The following FHIP1A variants were observed in gnomAD, a reference collection of about 807,000 sequenced individuals.
The protein encoded by FHIP1A is FHF complex subunit HOOK-interacting protein 1A.
FHIP1A carries 61 observed loss-of-function variants against 88.6 expected under a neutral mutation model. The observed-to-expected ratio is 0.69, with a 90% confidence interval of 0.56 to 0.85. FHIP1A has a LOEUF of 0.85. FHIP1A is among the 40% of genes least tolerant of loss of function. FHIP1A has a pLI of 0.00. For missense variants in FHIP1A, 1,154 were observed against 1,273.5 expected, an observed-to-expected ratio of 0.91 and a Z score of 1.43; for synonymous variants, 478 against 496.0, an observed-to-expected ratio of 0.96 and a Z score of 0.48.
At chr4:151,518,880 A>G (rs1191123426) in intron 3 of FHIP1A, among the ~76,000 whole-genome samples, 1 of 151,830 alleles carries the variant, frequency 6.6e-6, no homozygotes, top group Non-Finnish European at 1.5e-5. Flanking sequence ...CAAAACATCG[A>G]TATGTTGTCC....
At chr4:151,426,239 A>G (rs980652792) in intron 1 of FHIP1A, among the ~76,000 whole-genome samples, 2 of 152,176 alleles carry the variant, frequency 1.3e-5, no homozygotes, top group African/African-American at 4.8e-5. Flanking sequence ...GAAAATTTCC[A>G]TAATAAAAAA....
chr4:151,668,495 G>A lies in FHIP1A; in HGVS notation c.*5741G>A, dbSNP rs1737745405. Among the ~76,000 whole-genome samples, 1 of 152,132 alleles carries A rather than the reference G, an allele frequency of 6.6e-6. No individual in the cohort carries two copies. Among genetic ancestry groups the A allele is most frequent in the Admixed American group, 6.5e-5 (1 of 15,272 alleles). On this transcript the variant is annotated 3_prime_UTR_variant, in exon 14 of 14. Coordinates refer to ENST00000435205, the MANE Select transcript of FHIP1A (RefSeq NM_001109977.3). ...AGCTCAGCTAAAATATCCTTACTTTGGTGCAATAATGATCTAGGTTCTTTT... is the reference window on the plus strand; with the variant it reads ...AGCTCAGCTAAAATATCCTTACTTTAGTGCAATAATGATCTAGGTTCTTTT...
At chr4:151,597,845 T>G (rs1446707066) in intron 7 of FHIP1A, among the ~76,000 whole-genome samples, 1 of 152,162 alleles carries the variant, frequency 6.6e-6, no homozygotes, top group Non-Finnish European at 1.5e-5. Context: ...GAAAACTGCC[T>G]ACTCAAGCCT....
intron 3 of FHIP1A, among the ~76,000 whole-genome samples, chr4:151,528,516 A>G (rs1731763092): frequency 6.6e-6 from 1 of 152,202 alleles, no homozygotes; most frequent in Non-Finnish European, 1.5e-5. Flanking sequence ...AGGGACCCCA[A>G]AGGTGCTCCA....
At chr4:151,536,447 C>T (rs1732072356) in intron 3 of FHIP1A, among the ~76,000 whole-genome samples, 1 of 152,188 alleles carries the variant, frequency 6.6e-6, no homozygotes, top group Non-Finnish European at 1.5e-5. Context: ...CCACTTCCCT[C>T]CTGCCCTCCC....
chr4:151,438,436 T>C (rs1369935441), intron 1 of FHIP1A, among the ~76,000 whole-genome samples: 1 of 152,036 alleles, frequency 6.6e-6, no homozygotes, highest in Non-Finnish European at 1.5e-5. Flanking sequence ...GAAAAAGGAT[T>C]TAATTCTTTT....
Position 151,577,751 on chromosome 4 carries a change from A to G in FHIP1A, c.407A>G (p.His136Arg), listed in dbSNP as rs1265165556. The change falls in exon 5 of 14, where the codon CAC becomes CGC. Residue 136 changes from histidine (H) to arginine (R), a missense_variant. Coordinates refer to ENST00000435205, the MANE Select transcript of FHIP1A (RefSeq NM_001109977.3). ...VTQSHQPLLH[H>R]KPILKPLMML... ...CAGTCGCACCAGCCTCTGCTGCACCACAAACCCATTCTGAAGCCTCTGATG... is the reference window on the plus strand; with the variant it reads ...CAGTCGCACCAGCCTCTGCTGCACCGCAAACCCATTCTGAAGCCTCTGATG... 1 of 1,551,916 alleles carries G rather than the reference A, an allele frequency of 6.4e-7. No individual in the cohort carries two copies. Among genetic ancestry groups the G allele is most frequent in the Admixed American group, 2.0e-5 (1 of 51,000 alleles).
chr4:151,436,414 T>G (rs930567564), intron 1 of FHIP1A: 1 of 152,184 alleles, frequency 6.6e-6, no homozygotes, highest in African/African-American at 2.4e-5. Flanking sequence ...CAGATCGTGT[T>G]TCTGTCTGCA....
chr4:151,546,389 A>G (rs1264491179), intron 3 of FHIP1A, among the ~76,000 whole-genome samples: 3 of 152,216 alleles, frequency 2.0e-5, no homozygotes, highest in South Asian at 2.1e-4. Context: ...TCCAGCTTGC[A>G]GATGGACTCC....
At chr4:151,452,379 C>T (rs780179270) in intron 1 of FHIP1A, among the ~76,000 whole-genome samples, 29 of 152,248 alleles carry the variant, frequency 1.9e-4, no homozygotes, top group Non-Finnish European at 3.4e-4. Context: ...CACTTTACCT[C>T]CAGAGTTTAA....
Position 151,474,093 on chromosome 4 carries a change from TGAG to T in FHIP1A, c.-247-8427_-247-8425del, listed in dbSNP as rs539891155. ...CCATTTACCTTTGAATAGAAGCCAA[TGAG>T]GAGAAGTATTTAGAAGGTTATGAGC... On this transcript the variant is annotated intron_variant, in intron 2 of 13. Transcript: ENST00000435205. Among the ~76,000 whole-genome samples the T allele has an allele frequency of 3.0e-4, 46 of 152,310 alleles. No individual in the cohort carries two copies. The East Asian group carries it at 7.9e-3, about 26-fold the overall frequency.
In FHIP1A at chr4:151,558,220, C is replaced by G. The variant is rs569005603; in HGVS notation, c.-122-7918C>G. On this transcript the variant is annotated intron_variant, in intron 3 of 13. Transcript: ENST00000435205. ...GGTTTTGTACGAGTAGAAAAACAATCTCATAAGAAAAGCCAATTTTAGAGT... is the reference window on the plus strand; with the variant it reads ...GGTTTTGTACGAGTAGAAAAACAATGTCATAAGAAAAGCCAATTTTAGAGT... Among the ~76,000 whole-genome samples, 6 of 152,232 alleles carry G rather than the reference C, an allele frequency of 3.9e-5. No homozygotes were observed. The East Asian group carries it at 1.2e-3, about 29-fold the overall frequency.
At chr4:151,563,398 A>G (rs889907888) in intron 3 of FHIP1A, among the ~76,000 whole-genome samples, 1 of 152,198 alleles carries the variant, frequency 6.6e-6, no homozygotes, top group Admixed American at 6.5e-5. Flanking sequence ...GCTCTCTCTC[A>G]GGCATGAAAT....
intron 11 of FHIP1A, among the ~76,000 whole-genome samples, chr4:151,651,350 A>G (rs1196548320): frequency 6.6e-6 from 1 of 152,242 alleles, no homozygotes; most frequent in Non-Finnish European, 1.5e-5. Flanking sequence ...CAAAATCTGC[A>G]TTTACAAATC....
At chr4:151,544,525 T>A (rs1236065421) in intron 3 of FHIP1A, among the ~76,000 whole-genome samples, 2 of 152,192 alleles carry the variant, frequency 1.3e-5, no homozygotes, top group South Asian at 4.1e-4. Context: ...CAGGTGCCAC[T>A]GTTTAAGATC....
intron 5 of FHIP1A, among the ~76,000 whole-genome samples, chr4:151,578,539 G>A (rs1322471619): frequency 1.3e-5 from 2 of 152,130 alleles, no homozygotes; most frequent in African/African-American, 2.4e-5. Context: ...TAGGAACATG[G>A]GGGGGTGGAG....
Position 151,548,897 on chromosome 4 carries a change from A to G in FHIP1A, c.-122-17241A>G, listed in dbSNP as rs567735930. On this transcript the variant is annotated intron_variant, in intron 3 of 13. Coordinates refer to ENST00000435205, the MANE Select transcript of FHIP1A (RefSeq NM_001109977.3). ...ATAAATTTAATTTTCTCAGCAAGGC[A>G]ACTTTTACTTTCTGCAGAAAGGGTG... is the stretch of plus-strand genomic sequence containing the variant. Among the ~76,000 whole-genome samples, 3 of 152,340 alleles carry G rather than the reference A, an allele frequency of 2.0e-5. No individual in the cohort carries two copies. The South Asian group carries it at 6.2e-4, about 32-fold the overall frequency.
intron 3 of FHIP1A, among the ~76,000 whole-genome samples, chr4:151,557,885 A>AT (rs1733013612): frequency 6.6e-6 from 1 of 152,178 alleles, no homozygotes; most frequent in South Asian, 2.1e-4. Flanking sequence ...ACTATTGATT[A>AT]TTATTTACAT....
intron 2 of FHIP1A, among the ~76,000 whole-genome samples, chr4:151,459,595 T>C (rs1427783197): frequency 6.6e-6 from 1 of 152,226 alleles, no homozygotes; most frequent in Non-Finnish European, 1.5e-5. Flanking sequence ...TTTGGCCAGA[T>C]CTCAAGTGAT....
Sources: gnomAD v4.1 joint callset for allele counts (sites outside exome capture counted in the v4.1 genomes callset) on GRCh38, gnomAD v4.1.1 for gene constraint, MANE v1.5 for transcripts, NCBI Gene and HGNC (gene_info 2026-07-23, HGNC 2026-07-21) for gene names.